Variants in CPEB4 observed in about 807,000 individuals in gnomAD.
CPEB4 encodes the protein cytoplasmic polyadenylation element-binding protein 4.
A neutral mutation model predicts 72.5 loss-of-function variants in CPEB4; 12 were observed. That is an observed-to-expected ratio of 0.17 (90% CI 0.11 to 0.27). CPEB4 has a LOEUF of 0.27. Among genes scored for constraint, CPEB4 ranks in the 10% least tolerant of loss-of-function variants. CPEB4 has a pLI of 1.00. For synonymous variants in CPEB4, 302 were observed against 326.3 expected (o/e 0.93, Z 0.80); for missense variants, 614 against 908.5 (o/e 0.68, Z 4.17).
At chr5:173,917,057 G>A (rs1358862505) in intron 2 of CPEB4, among the ~76,000 whole-genome samples, 1 of 152,194 alleles carries the variant, frequency 6.6e-6, no homozygotes, top group Non-Finnish European at 1.5e-5. Context: ...ATTAGAACAA[G>A]TATTTTATAC....
At chr5:173,945,221 T>G in intron 5 of CPEB4, 81 bp downstream of exon 5, 1 of 1,222,806 alleles carries the variant, frequency 8.2e-7, no homozygotes, top group Non-Finnish European at 1.2e-6. Context: ...ACAATAACAG[T>G]CTTATCTGGC....
At chr5:173,946,980 CA>C (rs1758040496) in intron 5 of CPEB4, among the ~76,000 whole-genome samples, 6 of 152,120 alleles carry the variant, frequency 3.9e-5, no homozygotes, top group African/African-American at 1.2e-4. Context: ...TAAGGGCTCA[CA>C]TAGTGAGCCC....
rs921123516 is a variant in CPEB4, at chr5:173,956,421, T to G, written c.*284T>G. ...GATCCAAACTTCCTGCAACATTTTC[T>G]TAGAGGAGAGAGAGAAATATTAAAA... is the stretch of plus-strand genomic sequence containing the variant. On this transcript the variant is annotated 3_prime_UTR_variant, in exon 10 of 10. Transcript: ENST00000265085. 1 of 330,050 alleles carries G rather than the reference T, an allele frequency of 3.0e-6. No homozygotes were observed. Among genetic ancestry groups the G allele is most frequent in the Admixed American group, 4.4e-5 (1 of 22,828 alleles). The allele number at this position is 330,050 out of a possible 1,614,324, so 20.4% of individuals were successfully genotyped here. A position where few individuals can be genotyped will look rare whatever the true frequency, so the allele number is the denominator to read the frequency against.
In CPEB4 at chr5:173,961,181, C is replaced by G; in HGVS notation, c.*5044C>G. ...AGGCTGGACAGCTTCCCCTTTCTCT[C>G]ATCTGGCAATTCCCAAACCTTACGT... On this transcript the variant is annotated 3_prime_UTR_variant, in exon 10 of 10. Coordinates refer to ENST00000265085, the MANE Select transcript of CPEB4 (RefSeq NM_030627.4). 1 of 152,162 alleles carries G rather than the reference C, an allele frequency of 6.6e-6. No homozygotes were observed. Among genetic ancestry groups the G allele is most frequent in the East Asian group, 1.9e-4 (1 of 5,194 alleles). 9.4% of individuals were successfully genotyped at this position (152,162 alleles called of 1,614,324 possible). A position where few individuals can be genotyped will look rare whatever the true frequency, so the allele number is the denominator to read the frequency against.
At chr5:173,896,412 C>T (rs1756014269) in intron 1 of CPEB4, among the ~76,000 whole-genome samples, 1 of 152,094 alleles carries the variant, frequency 6.6e-6, no homozygotes, top group African/African-American at 2.4e-5. Context: ...TTTTTTCTCA[C>T]CGCATTTTAT....
At chr5:173,926,920 G>A (rs970426303) in intron 2 of CPEB4, among the ~76,000 whole-genome samples, 2 of 152,032 alleles carry the variant, frequency 1.3e-5, no homozygotes, top group South Asian at 4.2e-4. Context: ...AGGCTGAGGT[G>A]GAGGCATCAC....
Position 173,956,864 on chromosome 5 carries a change from T to G in CPEB4, c.*727T>G, listed in dbSNP as rs1336736897. The G allele has an allele frequency of 6.6e-6, 1 of 152,432 alleles. No individual in the cohort carries two copies. The highest frequency in any genetic ancestry group is 1.9e-4 in the East Asian group (1 of 5,248). The allele number at this position is 152,432 out of a possible 1,614,324, so 9.4% of individuals were successfully genotyped here. A position where few individuals can be genotyped will look rare whatever the true frequency, so the allele number is the denominator to read the frequency against. On this transcript the variant is annotated 3_prime_UTR_variant, in exon 10 of 10. Transcript: ENST00000265085. ...TAAAGTAGGCAGAGCTAGGTTTATT[T>G]TCTCTTAAACAATTTTTAAAATTCA...
chr5:173,907,077 G>GC (rs1198858603), intron 1 of CPEB4, among the ~76,000 whole-genome samples: 1 of 152,156 alleles, frequency 6.6e-6, no homozygotes, highest in African/African-American at 2.4e-5. Flanking sequence ...GACCATCCTG[G>GC]CCAACATAGT....
intron 4 of CPEB4, 33 bp from the exon 5 acceptor site, chr5:173,944,934 C>T (rs1757965687): frequency 6.4e-7 from 1 of 1,572,040 alleles, no homozygotes; most frequent in Non-Finnish European, 8.7e-7. Flanking sequence ...GGAACATTTT[C>T]TGTTACCGTT....
At chr5:173,951,667 T>A (rs1758220991) in intron 7 of CPEB4, among the ~76,000 whole-genome samples, 157 bp from the exon 8 acceptor site, 1 of 152,230 alleles carries the variant, frequency 6.6e-6, no homozygotes, top group Admixed American at 6.5e-5. Flanking sequence ...AACGATGGGT[T>A]GGGATACACT....
rs1198322005 is a variant in CPEB4, at chr5:173,889,226, G to T, written c.-508G>T. 1 of 151,162 alleles carries T rather than the reference G, an allele frequency of 6.6e-6. No individual in the cohort carries two copies. Among genetic ancestry groups the T allele is most frequent in the Admixed American group, 6.6e-5 (1 of 15,172 alleles). 9.4% of individuals were successfully genotyped at this position (151,162 alleles called of 1,614,324 possible). On this transcript the variant is annotated 5_prime_UTR_variant, in exon 1 of 10. Transcript: ENST00000265085. ...TTCCTGATTTTTTTTTAACCAAGCT[G>T]CCAAGAAAAGAACGTATTCCCCTCT...
intron 7 of CPEB4, among the ~76,000 whole-genome samples, chr5:173,951,591 A>G (rs1581170023): frequency 1.3e-5 from 2 of 152,232 alleles, no homozygotes; most frequent in East Asian, 3.8e-4. Flanking sequence ...CATGTTAAGT[A>G]ATTTGGCTTA....
Position 173,890,710 on chromosome 5 carries a change from C to T in CPEB4, c.977C>T (p.Thr326Met), listed in dbSNP as rs1265468570. 1.2e-6 allele frequency: 2 copies of T among 1,614,176 alleles called. No homozygotes were observed. The highest frequency in any genetic ancestry group is 1.7e-6 in the Non-Finnish European group (2 of 1,180,028). The change falls in exon 1 of 10, where the codon ACG becomes ATG. Residue 326 changes from threonine (T) to methionine (M), a missense_variant. Thr to Met is a moderately conservative substitution (Grantham distance 81). This residue lies in a region of CPEB4 where 458 missense variants were observed against 548.6 expected (regional missense o/e 0.83). Coordinates refer to ENST00000265085, the MANE Select transcript of CPEB4 (RefSeq NM_030627.4). ...DHRRGLNGGI[T>M]PLNSISPLKK... The stretch of plus-strand genomic sequence containing the variant: ...CGCAGAGGGCTGAATGGTGGAATAA[C>T]GCCCCTGAACTCCATCTCGCCTTTG...
intron 3 of CPEB4, among the ~76,000 whole-genome samples, chr5:173,942,216 C>T (rs1282773053): frequency 6.6e-6 from 1 of 152,214 alleles, no homozygotes; most frequent in Non-Finnish European, 1.5e-5. Flanking sequence ...CAGGGACATG[C>T]ACTATTTACT....
chr5:173,947,145 C>G (rs972174393), intron 5 of CPEB4, among the ~76,000 whole-genome samples: 1 of 152,140 alleles, frequency 6.6e-6, no homozygotes, highest in Non-Finnish European at 1.5e-5. Context: ...CAGGTCTTAT[C>G]TACACATGCT....
intron 2 of CPEB4, among the ~76,000 whole-genome samples, chr5:173,930,745 T>C (rs1386379541): frequency 6.6e-6 from 1 of 151,972 alleles, no homozygotes; most frequent in Non-Finnish European, 1.5e-5. Context: ...TCCTAGCACT[T>C]TGGGAGGCCG....
Position 173,950,333 on chromosome 5 carries a change from G to GCA in CPEB4, c.1665+255_1665+256insCA, listed in dbSNP as rs1758172845. 6.6e-6 allele frequency among the ~76,000 whole-genome samples: 1 copy of GCA among 152,178 alleles called. No individual in the cohort carries two copies. The highest frequency in any genetic ancestry group is 1.5e-5 in the Non-Finnish European group (1 of 68,022). On this transcript the variant is annotated intron_variant, in intron 7 of 9. Coordinates refer to ENST00000265085, the MANE Select transcript of CPEB4 (RefSeq NM_030627.4). The surrounding 1 kb of genome is among the most constrained non-coding windows in gnomAD (Gnocchi z 5.0). The stretch of plus-strand genomic sequence containing the variant: ...TTTAAAAGATTTCACGGCTGGGCAT[G>GCA]GTGGCTCACACCTGTAATCCCAGCA...
At chr5:173,927,361 C>T (rs1757278856) in intron 2 of CPEB4, among the ~76,000 whole-genome samples, 1 of 152,162 alleles carries the variant, frequency 6.6e-6, no homozygotes, top group African/African-American at 2.4e-5. Context: ...GTATTAAAAG[C>T]TCTAATTCCG....
intron 2 of CPEB4, 108 bp downstream of exon 2, chr5:173,910,712 C>T: frequency 1.4e-6 from 1 of 721,234 alleles, no homozygotes; most frequent in Admixed American, 2.5e-5. Context: ...ACTTTGTATG[C>T]AGTAAGTTCT....
Sources: allele counts gnomAD v4.1 joint callset (sites outside exome capture counted in the v4.1 genomes callset), GRCh38; gene constraint gnomAD v4.1.1; regional missense constraint gnomAD v4.1.1; non-coding constraint Gnocchi (gnomAD v3.1); transcripts MANE v1.5; gene names NCBI Gene and HGNC (gene_info 2026-07-23, HGNC 2026-07-21).